NTRK3: variants seen among roughly 807,000 people sequenced by gnomAD.
NTRK3 encodes NT-3 growth factor receptor.
Under a neutral mutation model 91.7 loss-of-function variants are expected in NTRK3, and 24 were observed. The ratio of observed to expected loss-of-function variants is 0.26; its 90% CI spans 0.19 to 0.37. NTRK3 has a LOEUF of 0.37. Among genes scored for constraint, NTRK3 ranks in the 10% least tolerant of loss-of-function variants. The probability of loss-of-function intolerance (pLI) is 1.00; values close to 1 mark genes in which losing one functional copy is unlikely to be tolerated. For missense variants in NTRK3, 880 were observed against 1,068.9 expected (o/e 0.82, Z 2.46); for synonymous variants, 483 against 404.0 (o/e 1.20, Z -2.34).
chr15:88,038,821 C>A (rs1271931252), intron 13 of NTRK3, among the ~76,000 whole-genome samples: 1 of 151,876 alleles, frequency 6.6e-6, no homozygotes, highest in Non-Finnish European at 1.5e-5. Context: ...AGGTTGAGAA[C>A]CACTGAGAGA....
At chr15:87,940,707 C>T (rs2142019091) in exon 15 of NTRK3, 1 of 1,614,132 alleles carries the variant, frequency 6.2e-7, no homozygotes, top group Non-Finnish European at 8.5e-7. Flanking sequence ...CTCCCTCACC[C>T]AGTTCTCGCT....
intron 14 of NTRK3, among the ~76,000 whole-genome samples, chr15:87,965,843 C>T (rs142463980): frequency 6.6e-6 from 1 of 151,972 alleles, no homozygotes; most frequent in Non-Finnish European, 1.5e-5. Flanking sequence ...TTTGGGAGGC[C>T]GAGGCAGGTG....
intron 17 of NTRK3, among the ~76,000 whole-genome samples, chr15:87,908,739 G>A (rs550763843): frequency 6.6e-6 from 1 of 152,192 alleles, no homozygotes; most frequent in Non-Finnish European, 1.5e-5. Context: ...CATCATTAGG[G>A]AGGACAGCGG....
intron 14 of NTRK3, among the ~76,000 whole-genome samples, chr15:87,955,345 C>G (rs912370902): frequency 3.3e-5 from 5 of 152,190 alleles, no homozygotes; most frequent in African/African-American, 1.2e-4. Flanking sequence ...TCTGACTGCC[C>G]TAGGCCATAG....
chr15:88,063,161 G>A (rs1210081234), intron 13 of NTRK3, among the ~76,000 whole-genome samples: 1 of 152,228 alleles, frequency 6.6e-6, no homozygotes, highest in Non-Finnish European at 1.5e-5. Context: ...ATTAATTCAG[G>A]TGAAGTGTTA....
chr15:88,098,236 T>A (rs751361307), intron 13 of NTRK3, among the ~76,000 whole-genome samples: 47 of 152,188 alleles, frequency 3.1e-4, no homozygotes, highest in Non-Finnish European at 6.0e-4. Flanking sequence ...AAGTGATATC[T>A]TTTCTTAATT....
At chr15:87,954,297 T>C (rs2071456069) in intron 14 of NTRK3, among the ~76,000 whole-genome samples, 1 of 152,190 alleles carries the variant, frequency 6.6e-6, no homozygotes, top group Non-Finnish European at 1.5e-5. Context: ...CCCTAGAAAC[T>C]AGCCCTTTCC....
At chr15:87,948,666 C>T (rs62019201) in intron 14 of NTRK3, among the ~76,000 whole-genome samples, 6,492 of 151,898 alleles carry the variant, frequency 0.043, 160 homozygotes, top group Non-Finnish European at 0.052. Flanking sequence ...CCAGCCTGGG[C>T]GACAGAGCAA....
At chr15:88,219,527 T>C (rs2050067689) in intron 3 of NTRK3, among the ~76,000 whole-genome samples, 1 of 152,246 alleles carries the variant, frequency 6.6e-6, no homozygotes, top group African/African-American at 2.4e-5. Context: ...ACAGAACCAA[T>C]CCTGTTTCCC....
At chr15:88,078,596 G>A (rs1196293523) in intron 13 of NTRK3, among the ~76,000 whole-genome samples, 5 of 152,210 alleles carry the variant, frequency 3.3e-5, no homozygotes, top group Non-Finnish European at 7.3e-5. Context: ...GTTGCAGTGA[G>A]CCAAGATCGC....
intron 3 of NTRK3, among the ~76,000 whole-genome samples, chr15:88,208,116 C>T (rs961438119): frequency 6.6e-6 from 1 of 152,136 alleles, no homozygotes; most frequent in Non-Finnish European, 1.5e-5. Flanking sequence ...GGATCATAAC[C>T]AAGGAAGTGG....
At chr15:88,141,396 G>A (rs1450828130) in intron 6 of NTRK3, among the ~76,000 whole-genome samples, 1 of 152,230 alleles carries the variant, frequency 6.6e-6, no homozygotes, top group Non-Finnish European at 1.5e-5. Context: ...GAGCTGCCCA[G>A]TGTATGCAGG....
chr15:87,865,744 G>A (rs1454713583), exon 19 of NTRK3: 2 of 225,524 alleles, frequency 8.9e-6, no homozygotes, highest in South Asian at 1.8e-4. Context: ...ATGCCATTTT[G>A]CTACAAAATG....
chr15:88,046,604 T>C (rs953053427), intron 13 of NTRK3, among the ~76,000 whole-genome samples: 15 of 152,156 alleles, frequency 9.9e-5, no homozygotes, highest in Admixed American at 4.6e-4. Flanking sequence ...TACTTCATCC[T>C]TGTCCCACCC....
chr15:88,244,237 G>A (rs2052627846), intron 3 of NTRK3, among the ~76,000 whole-genome samples: 1 of 152,218 alleles, frequency 6.6e-6, no homozygotes, highest in Non-Finnish European at 1.5e-5. Context: ...CCATGTTCCA[G>A]ATGCTGCTCC....
At chr15:87,912,943 T>A (rs1251988471) in intron 17 of NTRK3, among the ~76,000 whole-genome samples, 3 of 33,958 alleles carry the variant, frequency 8.8e-5, no homozygotes. Flanking sequence ...TATATATATA[T>A]ATATATATAT....
intron 17 of NTRK3, among the ~76,000 whole-genome samples, chr15:87,907,618 C>T (rs1267055661): frequency 1.3e-5 from 2 of 152,102 alleles, no homozygotes; most frequent in Non-Finnish European, 2.9e-5. Flanking sequence ...CAGCCTCTGG[C>T]CTGTGGAAAG....
At chr15:88,031,739 TG>T (rs35280244) in intron 14 of NTRK3, among the ~76,000 whole-genome samples, 1 of 152,076 alleles carries the variant, frequency 6.6e-6, no homozygotes, top group African/African-American at 2.4e-5. Context: ...CAAAGGCTGA[TG>T]GGGGTAGCCC....
At chr15:87,876,919 T>C (rs2141434230) in exon 19 of NTRK3, 4 of 1,613,778 alleles carry the variant, frequency 2.5e-6, no homozygotes, top group Non-Finnish European at 3.4e-6. Context: ...TATGAATTCA[T>C]GACCACCAGC....
Sources: allele counts gnomAD v4.1 joint callset (sites outside exome capture counted in the v4.1 genomes callset), GRCh38; gene constraint gnomAD v4.1.1; transcripts MANE v1.5; gene names NCBI Gene and HGNC (gene_info 2026-07-23, HGNC 2026-07-21).